C10orf90: variants seen among roughly 807,000 people sequenced by gnomAD.
C10orf90 encodes (E2-independent) E3 ubiquitin-conjugating enzyme FATS.
A neutral mutation model predicts 62.5 loss-of-function variants in C10orf90; 56 were observed. The ratio of observed to expected loss-of-function variants is 0.90; its 90% confidence interval spans 0.72 to 1.12. The LOEUF is 1.12. Among genes scored for constraint, C10orf90 ranks in the 50% most tolerant of loss-of-function variants. The probability of loss-of-function intolerance (pLI) is 0.00; values close to 1 mark genes in which losing one functional copy is unlikely to be tolerated. For missense variants in C10orf90, 970 were observed against 880.4 expected (o/e 1.10, Z -1.29); for synonymous variants, 386 against 340.4 (o/e 1.13, Z -1.47).
At chr10:126,455,490 T>A (rs1243372322) in intron 7 of C10orf90, among the ~76,000 whole-genome samples, 2 of 152,110 alleles carry the variant, frequency 1.3e-5, no homozygotes, top group African/African-American at 4.8e-5. Context: ...CCCCACAAGG[T>A]GGGCAGACTA....
chr10:126,573,526 A>G (rs1442765844), intron 2 of C10orf90, among the ~76,000 whole-genome samples: 3 of 152,326 alleles, frequency 2.0e-5, no homozygotes, highest in East Asian at 3.9e-4. Context: ...CACAAGATCC[A>G]TGAATCCTTC....
chr10:126,496,640 T>C, intron 4 of C10orf90: 1 of 985,366 alleles, frequency 1.0e-6, no homozygotes, highest in Non-Finnish European at 1.2e-6. Flanking sequence ...AGTTTTAACT[T>C]TACTTTTCAC....
At chr10:126,509,208 C>G (rs1862946716) in intron 3 of C10orf90, among the ~76,000 whole-genome samples, 1 of 152,200 alleles carries the variant, frequency 6.6e-6, no homozygotes, top group African/African-American at 2.4e-5. Context: ...CAACTTATTT[C>G]TGAAGCCCTG....
In C10orf90 at chr10:126,532,862, G is replaced by GAAAAAAAAAAAAAAAAAA. The variant is rs1564860259; in HGVS notation, c.314-18924_314-18923insTTTTTTTTTTTTTTTTTT. Among the ~76,000 whole-genome samples, 6 of 22,138 alleles carry GAAAAAAAAAAAAAAAAAA rather than the reference G, an allele frequency of 2.7e-4. 1 individual carries two copies. Among genetic ancestry groups the GAAAAAAAAAAAAAAAAAA allele is most frequent in the Non-Finnish European group, 6.3e-4 (5 of 7,996 alleles). The allele number at this position is 22,138 out of a possible 152,430, so 14.5% of individuals were successfully genotyped here. A position where few individuals can be genotyped will look rare whatever the true frequency, so the allele number is the denominator to read the frequency against. The stretch of plus-strand genomic sequence containing the variant: ...CGTCTCAAAAAAAAAAAAAAATAGT[G>GAAAAAAAAAAAAAAAAAA]AGCACAAAACAAGTGTTTTCAAAAA... On this transcript the variant is annotated intron_variant, in intron 2 of 9. Coordinates refer to ENST00000488181, the MANE Select transcript of C10orf90 (RefSeq NM_001350921.2).
At chr10:126,578,662 A>C (rs891368652) in intron 2 of C10orf90, among the ~76,000 whole-genome samples, 5 of 152,262 alleles carry the variant, frequency 3.3e-5, no homozygotes, top group Non-Finnish European at 7.3e-5. Flanking sequence ...ATAAGAATGT[A>C]CATCACAGCT....
intron 4 of C10orf90, among the ~76,000 whole-genome samples, chr10:126,471,926 A>AAT (rs1554893273): frequency 4.3e-5 from 4 of 92,636 alleles, no homozygotes; most frequent in African/African-American, 2.5e-4. Flanking sequence ...GCAGAAATAA[A>AAT]ACACACACAC....
At chr10:126,530,487 T>C (rs942602964) in intron 2 of C10orf90, among the ~76,000 whole-genome samples, 2 of 151,628 alleles carry the variant, frequency 1.3e-5, no homozygotes, top group African/African-American at 4.9e-5. Flanking sequence ...GAAAAAAATA[T>C]ACAAATTGCT....
At chr10:126,426,457 C>T (rs774411359) in intron 8 of C10orf90, among the ~76,000 whole-genome samples, 2 of 152,236 alleles carry the variant, frequency 1.3e-5, no homozygotes, top group Non-Finnish European at 2.9e-5. Context: ...CTTTAGCATT[C>T]TGATTGTAAA....
At position 126,433,718 on chromosome 10, in the gene C10orf90, A is replaced by T. The variant is rs552664373; in HGVS notation, c.2189-3868T>A. ...CCTGCATGAGCTTTGTTTGAAAACAAAACAAAACAAAACGAAAACAAAACA... is the reference window on the plus strand; with the variant it reads ...CCTGCATGAGCTTTGTTTGAAAACATAACAAAACAAAACGAAAACAAAACA... On this transcript the variant is annotated intron_variant, in intron 7 of 9. Coordinates refer to ENST00000488181, the MANE Select transcript of C10orf90 (RefSeq NM_001350921.2). Among the ~76,000 whole-genome samples the T allele has an allele frequency of 2.0e-5, 3 of 152,064 alleles. No homozygotes were observed. In the East Asian group the frequency reaches 5.8e-4, roughly 29 times the overall value.
At chr10:126,464,575 G>T in intron 5 of C10orf90, 121 bp downstream of exon 5, 2 of 1,107,930 alleles carry the variant, frequency 1.8e-6, no homozygotes, top group Non-Finnish European at 2.6e-6. Context: ...TCTCCCAGTT[G>T]GAGAAGGGGA....
intron 2 of C10orf90, among the ~76,000 whole-genome samples, chr10:126,565,249 A>AATTACATATTATGTAATATAATAT (rs1844335538): frequency 1.1e-4 from 3 of 27,394 alleles, no homozygotes; most frequent in Non-Finnish European, 2.1e-4. Context: ...TATAATATTT[A>AATTACATATTATGTAATATAATAT]TTATATTATA....
At chr10:126,460,912 T>C (rs959918890) in intron 6 of C10orf90, among the ~76,000 whole-genome samples, 4 of 152,216 alleles carry the variant, frequency 2.6e-5, no homozygotes, top group Non-Finnish European at 5.9e-5. Context: ...TTATAAAATG[T>C]GTGCATACTA....
intron 7 of C10orf90, among the ~76,000 whole-genome samples, chr10:126,454,822 G>A (rs1253082943): frequency 1.3e-5 from 2 of 152,150 alleles, no homozygotes; most frequent in African/African-American, 4.8e-5. Context: ...GACCCCAGGA[G>A]CTGCATAGTG....
chr10:126,443,730 C>A (rs1858555035), intron 7 of C10orf90, among the ~76,000 whole-genome samples: 1 of 152,032 alleles, frequency 6.6e-6, no homozygotes, highest in South Asian at 2.1e-4. Flanking sequence ...AAACAGAAAA[C>A]TACAGACTGA....
intron 4 of C10orf90, among the ~76,000 whole-genome samples, chr10:126,484,344 A>G (rs985315236): frequency 1.3e-5 from 2 of 152,210 alleles, no homozygotes; most frequent in African/African-American, 4.8e-5. Context: ...GTCCCTATAC[A>G]CCGACTCAAA....
chr10:126,551,686 T>A (rs1327887799), intron 2 of C10orf90, among the ~76,000 whole-genome samples: 4 of 152,248 alleles, frequency 2.6e-5, no homozygotes, highest in Non-Finnish European at 5.9e-5. Context: ...ACAGGCTGCA[T>A]CTGAGGACAT....
At chr10:126,437,087 C>G (rs1177266206) in intron 7 of C10orf90, among the ~76,000 whole-genome samples, 1 of 152,158 alleles carries the variant, frequency 6.6e-6, no homozygotes, top group Non-Finnish European at 1.5e-5. Context: ...TCAATTCATC[C>G]TTACAGCAAC....
intron 4 of C10orf90, among the ~76,000 whole-genome samples, chr10:126,473,625 C>A (rs1306214016): frequency 6.6e-6 from 1 of 151,474 alleles, no homozygotes; most frequent in African/African-American, 2.4e-5. Flanking sequence ...TACCCTCCCC[C>A]AGGCTGCCCA....
rs1242933535 is a variant in C10orf90, at chr10:126,576,749, C to T, written c.314-62810G>A. Among the ~76,000 whole-genome samples the T allele has an allele frequency of 1.7e-4, 12 of 72,504 alleles. 1 individual carries two copies. Among genetic ancestry groups the T allele is most frequent in the Non-Finnish European group, 2.3e-4 (9 of 38,410 alleles). 47.6% of individuals were successfully genotyped at this position (72,504 alleles called of 152,430 possible). A position where few individuals can be genotyped will look rare whatever the true frequency, so the allele number is the denominator to read the frequency against. ...ACATATATATGTATATGTATATATACATATAGATAATATGTATATGTACAT... is the reference window on the plus strand; with the variant it reads ...ACATATATATGTATATGTATATATATATATAGATAATATGTATATGTACAT... On this transcript the variant is annotated intron_variant, in intron 2 of 9. Transcript: ENST00000488181.
Sources: allele counts gnomAD v4.1 joint callset (sites outside exome capture counted in the v4.1 genomes callset), GRCh38; gene constraint gnomAD v4.1.1; transcripts MANE v1.5; gene names NCBI Gene and HGNC (gene_info 2026-07-23, HGNC 2026-07-21).